Variants in EMC1 observed in about 807,000 individuals in gnomAD.
The protein encoded by EMC1 is ER membrane protein complex subunit 1, also known as KIAA0090.
In EMC1, 103 loss-of-function variants were observed where a neutral mutation model predicts 128.8. The observed-to-expected ratio is 0.80, with a 90% CI of 0.68 to 0.94. The LOEUF is 0.94. Among genes scored for constraint, EMC1 ranks in the 40% least tolerant of loss-of-function variants. EMC1 has a pLI of 0.00. For missense variants in EMC1, 1,083 were observed against 1,250.6 expected (o/e 0.87, Z 2.02); for synonymous variants, 442 against 490.4 (o/e 0.90, Z 1.30).
At chr1:19,239,408 T>G in intron 8 of EMC1, 106 bp from the exon 9 acceptor site, 1 of 944,722 alleles carries the variant, frequency 1.1e-6, no homozygotes, top group Non-Finnish European at 1.7e-6. Context: ...GAGTTGAAAG[T>G]GCTCCCCACT....
chr1:19,238,059 C>T lies in EMC1; in HGVS notation c.1170G>A (p.Thr390=), dbSNP rs2093579152. Residue 390 remains threonine (T), a synonymous_variant, in exon 11 of 23, where the codon ACG becomes ACA. Coordinates refer to ENST00000477853, the MANE Select transcript of EMC1 (RefSeq NM_015047.3). ...CGCTCTGTTCCAGGCTAAATGTTATCGTGGTGTCCAGCAGCCGCCGACCTG... is the reference window on the plus strand; with the variant it reads ...CGCTCTGTTCCAGGCTAAATGTTATTGTGGTGTCCAGCAGCCGCCGACCTG... ...VETGRRLLDT[T]ITFSLEQSGT... 12 of 1,613,902 alleles carry T rather than the reference C, an allele frequency of 7.4e-6. No individual in the cohort carries two copies. Among genetic ancestry groups the T allele is most frequent in the Non-Finnish European group, 9.3e-6 (11 of 1,179,982 alleles).
At chr1:19,231,913 G>A (rs577167674) in intron 15 of EMC1, among the ~76,000 whole-genome samples, 3 of 151,832 alleles carry the variant, frequency 2.0e-5, no homozygotes, top group Admixed American at 6.6e-5. Context: ...GTGAGCCACC[G>A]CGCCTGGCTG....
rs578239910 is a variant in EMC1 at position 19,235,229 on chromosome 1, G to A, written c.1333C>T (p.Arg445Cys). ...QLAGKVVLWS[R>C]EESLAEVVCL... Reference sequence around the variant, plus strand: ...ACCACTTCTGCCAGGGACTCCTCACGGCTCCACAGCACCACCTTCCCTGCT... The same window carrying A: ...ACCACTTCTGCCAGGGACTCCTCACAGCTCCACAGCACCACCTTCCCTGCT... Residue 445 changes from arginine to cysteine, a missense_variant, in exon 13 of 23, where the codon CGT becomes TGT. Around this residue, in one of 3 missense-constraint regions of EMC1, gnomAD observed 544 missense variants for 572.4 expected, o/e 0.95. Coordinates refer to ENST00000477853, the MANE Select transcript of EMC1 (RefSeq NM_015047.3). 4.6e-5 allele frequency: 75 copies of A among 1,613,022 alleles called. 1 individual carries two copies. The South Asian group carries it at 5.4e-4, about 12-fold the overall frequency.
At chr1:19,246,294 G>T (rs1013422264) in intron 1 of EMC1, among the ~76,000 whole-genome samples, 6 of 152,006 alleles carry the variant, frequency 3.9e-5, no homozygotes, top group Non-Finnish European at 7.4e-5. Flanking sequence ...GGAGGCTGAG[G>T]CAAAAGAATC....
chr1:19,227,786 G>A (rs1571988170), intron 17 of EMC1, among the ~76,000 whole-genome samples: 1 of 152,100 alleles, frequency 6.6e-6, no homozygotes, highest in East Asian at 1.9e-4. Context: ...AGGCTGCAGT[G>A]AGCTGAGATC....
At chr1:19,230,060 T>C (rs1397982772) in intron 17 of EMC1, among the ~76,000 whole-genome samples, 1 of 152,220 alleles carries the variant, frequency 6.6e-6, no homozygotes, top group Non-Finnish European at 1.5e-5. Flanking sequence ...AGAGCTGGAC[T>C]TCACAGCCAG....
In EMC1 at chr1:19,242,484, G is replaced by A; in HGVS notation, c.381-11C>T. 2 of 1,614,044 alleles carry A rather than the reference G, an allele frequency of 1.2e-6. No individual in the cohort carries two copies. The highest frequency in any genetic ancestry group is 1.7e-6 in the Non-Finnish European group (2 of 1,180,004). On this transcript the variant is annotated splice_polypyrimidine_tract_variant and intron_variant, in intron 4 of 22. Coordinates refer to ENST00000477853, the MANE Select transcript of EMC1 (RefSeq NM_015047.3). ...CCAAGTGCCTGGAAACTGAACACAAGTACAGGTTGAGAGCAGCCCACACCT... is the reference window on the plus strand; with the variant it reads ...CCAAGTGCCTGGAAACTGAACACAAATACAGGTTGAGAGCAGCCCACACCT...
intron 9 of EMC1, 135 bp from the exon 10 acceptor site, chr1:19,238,992 T>C: frequency 1.3e-6 from 1 of 759,202 alleles, no homozygotes; most frequent in Non-Finnish European, 2.3e-6. Context: ...CCACAAAGCC[T>C]ATTCAACCCT....
At chr1:19,247,021 A>C (rs1178110373) in intron 1 of EMC1, among the ~76,000 whole-genome samples, 1 of 152,234 alleles carries the variant, frequency 6.6e-6, no homozygotes, top group Non-Finnish European at 1.5e-5. Context: ...GTAAGGATAC[A>C]GCAAGAAGGC....
At chr1:19,224,625 C>A (rs965463942) in intron 18 of EMC1, among the ~76,000 whole-genome samples, 4 of 152,198 alleles carry the variant, frequency 2.6e-5, no homozygotes, top group Admixed American at 2.6e-4. Context: ...ACCTGGATGA[C>A]CCCACAGCCT....
rs780192600 is a variant in EMC1 at position 19,239,827 on chromosome 1, G to A, written c.945C>T (p.Asn315=). The A allele has an allele frequency of 1.1e-5, 18 of 1,613,864 alleles. No individual in the cohort carries two copies. Among genetic ancestry groups the A allele is most frequent in the Non-Finnish European group, 1.5e-5 (18 of 1,179,938 alleles). The change falls in exon 8 of 23, where the codon AAC becomes AAT. Residue 315 remains asparagine (N), a synonymous_variant. Coordinates refer to ENST00000477853, the MANE Select transcript of EMC1 (RefSeq NM_015047.3). ...YHYGTLSLLK[N]FPQTALVSFA... Reference sequence around the variant, plus strand: ...TGTTGCCTGCAGTTACCTGTGGGAAGTTTTTAAGCAAACTCAGCGTTCCAT... The same window carrying A: ...TGTTGCCTGCAGTTACCTGTGGGAAATTTTTAAGCAAACTCAGCGTTCCAT...
intron 6 of EMC1, 69 bp downstream of exon 6, chr1:19,240,947 A>C (rs1017388287): frequency 1.1e-5 from 17 of 1,558,542 alleles, no homozygotes; most frequent in Non-Finnish European, 1.4e-5. Context: ...CCTGTTCCCC[A>C]GTACAAAGAA....
rs1232572561 is a variant in EMC1 at position 19,217,941 on chromosome 1, ATAACC to A, written c.*1357_*1361del. On this transcript the variant is annotated 3_prime_UTR_variant, in exon 23 of 23. Coordinates refer to ENST00000477853, the MANE Select transcript of EMC1 (RefSeq NM_015047.3). ...CCATAGAAAGATGACAAATTTTTAG[ATAACC>A]TAACCAACCCATATATGATTAAACT... is the stretch of plus-strand genomic sequence containing the variant. The A allele has an allele frequency of 6.6e-6, 1 of 152,210 alleles. No individual in the cohort carries two copies. The highest frequency in any genetic ancestry group is 1.5e-5 in the Non-Finnish European group (1 of 68,026). 9.4% of individuals were successfully genotyped at this position (152,210 alleles called of 1,614,324 possible). A position where few individuals can be genotyped will look rare whatever the true frequency, so the allele number is the denominator to read the frequency against.
At chr1:19,239,003 T>C in intron 9 of EMC1, 146 bp from the exon 10 acceptor site, 2 of 735,250 alleles carry the variant, frequency 2.7e-6, no homozygotes, top group East Asian at 5.0e-5. Flanking sequence ...ATTCAACCCT[T>C]AATAGCCCCA....
At chr1:19,246,414 GTTGTT>G (rs2093632388) in intron 1 of EMC1, among the ~76,000 whole-genome samples, 1 of 152,034 alleles carries the variant, frequency 6.6e-6, no homozygotes, top group Non-Finnish European at 1.5e-5. Context: ...ATAAAATACT[GTTGTT>G]TTATCTGGAT....
intron 21 of EMC1, chr1:19,219,935 AAAAG>A (rs2093418866): frequency 3.9e-6 from 2 of 507,334 alleles, no homozygotes; most frequent in South Asian, 5.4e-5. Flanking sequence ...TCTAAATCTG[AAAAG>A]AAAGAACATA....
chr1:19,237,576 G>A (rs774969184), intron 11 of EMC1, among the ~76,000 whole-genome samples: 1 of 152,138 alleles, frequency 6.6e-6, no homozygotes, highest in Non-Finnish European at 1.5e-5. Context: ...AGCCCAAGCA[G>A]CTGAGGAACA....
Position 19,240,862 on chromosome 1 carries a change from C to G in EMC1, c.636+154G>C, listed in dbSNP as rs570073176. ...CAAATATGAGTACTTTAAATAGAGG[C>G]CTAATGGGAAGGCAGCTGGCAAGTG... On this transcript the variant is annotated intron_variant, in intron 6 of 22. Transcript: ENST00000477853. Among the ~76,000 whole-genome samples the G allele has an allele frequency of 8.5e-5, 13 of 152,228 alleles. No homozygotes were observed. The East Asian group carries it at 2.3e-3, about 27-fold the overall frequency.
At chr1:19,236,659 CAA>C (rs34407393) in intron 12 of EMC1, among the ~76,000 whole-genome samples, 1,685 of 100,668 alleles carry the variant, frequency 0.017, 37 homozygotes, top group African/African-American at 0.05. Context: ...AACTCCGTCT[CAA>C]AAAAAAAAAA....
Sources: gnomAD v4.1 joint callset for allele counts (sites outside exome capture counted in the v4.1 genomes callset) on GRCh38, gnomAD v4.1.1 for gene constraint, gnomAD v4.1.1 regional missense constraint, MANE v1.5 for transcripts, NCBI Gene and HGNC (gene_info 2026-07-23, HGNC 2026-07-21) for gene names.